Variants in MYH11 observed in about 807,000 individuals in gnomAD.
MYH11 encodes the protein myosin-11.
MYH11 carries 80 observed loss-of-function variants against 246.6 expected under a neutral mutation model. That is an observed-to-expected ratio of 0.32 (90% CI 0.27 to 0.39). The LOEUF is 0.39. Among genes scored for constraint, MYH11 ranks in the 10% least tolerant of loss-of-function variants. The pLI, the probability that MYH11 is intolerant of heterozygous loss-of-function variation, is 1.00. For synonymous variants in MYH11, 1,071 were observed against 1,015.5 expected, an observed-to-expected ratio of 1.05 and a Z score of -1.04; for missense variants, 2,158 against 2,546.8, an observed-to-expected ratio of 0.85 and a Z score of 3.29.
intron 4 of MYH11, among the ~76,000 whole-genome samples, chr16:15,798,405 G>T (rs2042794600): frequency 6.6e-6 from 1 of 152,080 alleles, no homozygotes; most frequent in Non-Finnish European, 1.5e-5. Context: ...TTTTTAGAAG[G>T]AGGAGAGGTA....
intron 40 of MYH11, among the ~76,000 whole-genome samples, chr16:15,705,554 CCT>C (rs2039403602): frequency 6.6e-6 from 1 of 152,092 alleles, no homozygotes; most frequent in African/African-American, 2.4e-5. Context: ...GCCATCTGGC[CCT>C]GTTTGACCTG....
chr16:15,801,531 C>T (rs761899633), intron 3 of MYH11, among the ~76,000 whole-genome samples: 2 of 151,916 alleles, frequency 1.3e-5, no homozygotes, highest in Non-Finnish European at 2.9e-5. Flanking sequence ...GTGTGATAGA[C>T]ATACCCCTTG....
chr16:15,809,689 G>A (rs1460830921), intron 3 of MYH11, among the ~76,000 whole-genome samples: 5 of 152,152 alleles, frequency 3.3e-5, no homozygotes, highest in South Asian at 4.1e-4. Flanking sequence ...TTGGGAGGCC[G>A]AGGTAGGTGG....
chr16:15,804,578 G>C (rs1385193461), intron 3 of MYH11, among the ~76,000 whole-genome samples: 1 of 152,102 alleles, frequency 6.6e-6, no homozygotes, highest in Non-Finnish European at 1.5e-5. Context: ...GGAGCATTTA[G>C]TACATTCACA....
chr16:15,840,792 T>C (rs551270353), intron 1 of MYH11, among the ~76,000 whole-genome samples: 1 of 152,312 alleles, frequency 6.6e-6, no homozygotes, highest in East Asian at 1.9e-4. Context: ...TGTATGATTA[T>C]TTGTCAATTA....
At chr16:15,765,228 ATGGG>A (rs36176100) in intron 9 of MYH11, among the ~76,000 whole-genome samples, 35,134 of 151,756 alleles carry the variant, frequency 0.23, 4,298 homozygotes, top group East Asian at 0.39. Context: ...GGGTAGATGA[ATGGG>A]TGAATGATGG....
At chr16:15,854,142 C>A (rs1194675607) in intron 1 of MYH11, among the ~76,000 whole-genome samples, 1 of 152,080 alleles carries the variant, frequency 6.6e-6, no homozygotes, top group Non-Finnish European at 1.5e-5. Flanking sequence ...CACTTTCAGC[C>A]CAAATAGAAA....
chr16:15,817,993 C>T (rs148017307), intron 3 of MYH11, among the ~76,000 whole-genome samples: 338 of 152,328 alleles, frequency 2.2e-3, no homozygotes, highest in Non-Finnish European at 3.2e-3. Context: ...TGAGCAGCTA[C>T]TATGTGCCAG....
intron 8 of MYH11, among the ~76,000 whole-genome samples, chr16:15,772,289 AC>A (rs1396293588): frequency 7.9e-5 from 12 of 151,736 alleles, no homozygotes; most frequent in Non-Finnish European, 1.8e-4. Context: ...ATGGGGTTTC[AC>A]CATGTTGACC....
chr16:15,814,553 C>CAAAAAAAAAAAAAA (rs58806731), intron 3 of MYH11, among the ~76,000 whole-genome samples: 30 of 22,818 alleles, frequency 1.3e-3, no homozygotes, highest in Non-Finnish European at 2.3e-3. Context: ...AACTCCATCT[C>CAAAAAAAAAAAAAA]AAAAAAAAAA....
chr16:15,830,966 G>T (rs2043720603), intron 2 of MYH11, among the ~76,000 whole-genome samples: 1 of 152,194 alleles, frequency 6.6e-6, no homozygotes, highest in African/African-American at 2.4e-5. Flanking sequence ...GAGGTCAGGA[G>T]ATCGAGACCA....
intron 24 of MYH11, 50 bp from the exon 25 acceptor site, chr16:15,737,670 C>T: frequency 6.2e-7 from 1 of 1,600,300 alleles, no homozygotes; most frequent in South Asian, 1.1e-5. Context: ...AGAGAGATGC[C>T]CGGAAATGAG....
intron 2 of MYH11, among the ~76,000 whole-genome samples, chr16:15,825,274 T>C (rs906746646): frequency 6.6e-6 from 1 of 151,264 alleles, no homozygotes; most frequent in African/African-American, 2.4e-5. Context: ...TGGGGCCAAG[T>C]GTAGTGGCTC....
intron 3 of MYH11, among the ~76,000 whole-genome samples, chr16:15,813,244 T>G (rs1422411343): frequency 9.2e-5 from 14 of 152,056 alleles, no homozygotes; most frequent in Admixed American, 6.5e-4. Flanking sequence ...TCTCAGCTAC[T>G]TGGGAAGCTG....
In MYH11 at chr16:15,733,935, G is replaced by A. The variant is rs957332043; in HGVS notation, c.3507-1227C>T. On this transcript the variant is annotated intron_variant, in intron 26 of 40. Coordinates refer to ENST00000300036, the MANE Select transcript of MYH11 (RefSeq NM_002474.3). Reference sequence around the variant, plus strand: ...TGTGACACTGCACAAAACCCAAAGTGGGGGAAGTAAACCCCAGGGTATATG... The same window carrying A: ...TGTGACACTGCACAAAACCCAAAGTAGGGGAAGTAAACCCCAGGGTATATG... Among the ~76,000 whole-genome samples the A allele has an allele frequency of 1.3e-4, 20 of 152,224 alleles. 1 individual carries two copies. Among genetic ancestry groups the A allele is most frequent in the Admixed American group, 3.9e-4 (6 of 15,276 alleles).
rs60867763 is a variant in MYH11, at chr16:15,748,434, C to T, written c.2059-266G>A. 0.024 allele frequency among the ~76,000 whole-genome samples: 3,588 copies of T among 152,278 alleles called. 138 individuals are homozygous for T. The highest frequency in any genetic ancestry group is 0.082 in the African/African-American group (3,396 of 41,518). Reference sequence around the variant, plus strand: ...TGGCTGGAACCTGGGGCTTCCTCCTCATCACCTCGTCTCCCTCACTTCCTG... The same window carrying T: ...TGGCTGGAACCTGGGGCTTCCTCCTTATCACCTCGTCTCCCTCACTTCCTG... On this transcript the variant is annotated intron_variant, in intron 16 of 40. Coordinates refer to ENST00000300036, the MANE Select transcript of MYH11 (RefSeq NM_002474.3).
chr16:15,735,358 C>T lies in MYH11; in HGVS notation c.3506+8G>A, dbSNP rs755459305. ...ATAGCAGGATGGTGGGATTGATGGGCCCCTCACCTGAGCTCCTGCTGAGTG... is the reference window on the plus strand; with the variant it reads ...ATAGCAGGATGGTGGGATTGATGGGTCCCTCACCTGAGCTCCTGCTGAGTG... On this transcript the variant is annotated splice_region_variant and intron_variant, in intron 26 of 40. Transcript: ENST00000300036. 10 of 1,613,370 alleles carry T rather than the reference C, an allele frequency of 6.2e-6. No individual in the cohort carries two copies. In the East Asian group the frequency reaches 2.0e-4, roughly 32 times the overall value.
Position 15,715,088 on chromosome 16 carries a change from CG to C in MYH11, c.5614-8del, listed in dbSNP as rs770909453. On this transcript the variant is annotated splice_polypyrimidine_tract_variant and splice_region_variant and intron_variant, in intron 39 of 40. Coordinates refer to ENST00000300036, the MANE Select transcript of MYH11 (RefSeq NM_002474.3). The stretch of plus-strand genomic sequence containing the variant: ...TGGCATTGCCTTTCTCTGCCTGTCG[CG>C]GAGAGTTGGAGGGGTGGTTAGGGGA... 1 of 1,606,038 alleles carries C rather than the reference CG, an allele frequency of 6.2e-7. No homozygotes were observed. The highest frequency in any genetic ancestry group is 1.1e-5 in the South Asian group (1 of 90,940).
chr16:15,719,392 T>C, intron 35 of MYH11, 84 bp from the exon 36 acceptor site: 4 of 1,507,702 alleles, frequency 2.7e-6, no homozygotes, highest in Non-Finnish European at 3.6e-6. Context: ...CAGCCACCCT[T>C]GAAAGTACAT....
Sources: allele counts gnomAD v4.1 joint callset (sites outside exome capture counted in the v4.1 genomes callset), GRCh38; gene constraint gnomAD v4.1.1; transcripts MANE v1.5; gene names NCBI Gene and HGNC (gene_info 2026-07-23, HGNC 2026-07-21).